The following EHBP1 variants were observed in gnomAD, a reference collection of about 807,000 sequenced individuals.
The protein encoded by EHBP1 is EH domain-binding protein 1.
Under a neutral mutation model 144.0 loss-of-function variants are expected in EHBP1, and 55 were observed. The observed-to-expected ratio is 0.38, with a 90% CI of 0.31 to 0.48. The LOEUF is 0.48. EHBP1 is among the 20% of genes least tolerant of loss of function. EHBP1 has a pLI of 0.98. For missense variants in EHBP1, 1,200 were observed against 1,364.2 expected (o/e 0.88, Z 1.90); for synonymous variants, 469 against 472.7 (o/e 0.99, Z 0.10).
chr2:62,851,452 T>C (rs2048687599), intron 7 of EHBP1, among the ~76,000 whole-genome samples: 1 of 152,192 alleles, frequency 6.6e-6, no homozygotes. Context: ...TAGATAAAAA[T>C]CCAGAAAGCC....
At chr2:62,677,533 A>G (rs1350437978) in intron 1 of EHBP1, among the ~76,000 whole-genome samples, 1 of 152,028 alleles carries the variant, frequency 6.6e-6, no homozygotes, top group Admixed American at 6.5e-5. Flanking sequence ...TTAAATGTAC[A>G]GTTATTTTTT....
At position 62,935,344 on chromosome 2, in the gene EHBP1, A is replaced by AAAAT. The variant is rs1553479000; in HGVS notation, c.1186-7373_1186-7372insAATA. Reference sequence around the variant, plus strand: ...ACTCCATCTCAAAAAAAAAAAAAAAAATATATATATATATATATATATCCA... The same window carrying AAAAT: ...ACTCCATCTCAAAAAAAAAAAAAAAAAAATATATATATATATATATATATATCCA... On this transcript the variant is annotated intron_variant, in intron 10 of 22. Transcript: ENST00000431489. Among the ~76,000 whole-genome samples, 439 of 121,434 alleles carry AAAAT rather than the reference A, an allele frequency of 3.6e-3. 2 individuals carry two copies. The highest frequency in any genetic ancestry group is 7.3e-3 in the Admixed American group (82 of 11,254). The allele number at this position is 121,434 out of a possible 152,430, so 79.7% of individuals were successfully genotyped here. A position where few individuals can be genotyped will look rare whatever the true frequency, so the allele number is the denominator to read the frequency against.
At chr2:62,914,471 G>A (rs923567330) in intron 10 of EHBP1, among the ~76,000 whole-genome samples, 2 of 151,978 alleles carry the variant, frequency 1.3e-5, no homozygotes, top group Non-Finnish European at 2.9e-5. Flanking sequence ...AAAATCAAAT[G>A]TTAAACTGAA....
At chr2:62,721,048 G>T (rs921956105) in intron 2 of EHBP1, among the ~76,000 whole-genome samples, 62 of 152,282 alleles carry the variant, frequency 4.1e-4, no homozygotes, top group African/African-American at 1.4e-3. Flanking sequence ...GATTTTACCA[G>T]TTTTCTCACT....
rs184580088 is a variant in EHBP1, at chr2:62,899,549, G to C, written c.1185+25017G>C. On this transcript the variant is annotated intron_variant, in intron 10 of 22. Transcript: ENST00000431489. The stretch of plus-strand genomic sequence containing the variant: ...TTTAGGTGTGGACTTGGAGACTCTG[G>C]GTCTGAACCAGGTGACAGCAGTTTA... Among the ~76,000 whole-genome samples, 11 of 152,226 alleles carry C rather than the reference G, an allele frequency of 7.2e-5. No homozygotes were observed. In the East Asian group the frequency reaches 2.1e-3, roughly 29 times the overall value.
intron 5 of EHBP1, among the ~76,000 whole-genome samples, chr2:62,820,737 A>AATATATATATATATATATATAT (rs57039974): frequency 5.5e-5 from 3 of 54,650 alleles, no homozygotes; most frequent in Non-Finnish European, 9.5e-5. Context: ...GTGTGTGTAT[A>AATATATATATATATATATATAT]ATATATATAT....
rs1166345773 is a variant in EHBP1, at chr2:63,003,188, A to G, written c.3103+6422A>G. 4.6e-5 allele frequency among the ~76,000 whole-genome samples: 7 copies of G among 152,056 alleles called. No homozygotes were observed. In the South Asian group the frequency reaches 6.2e-4, roughly 13 times the overall value. The stretch of plus-strand genomic sequence containing the variant: ...ATAATGAACATGTTTATGGTGCTAT[A>G]TAAGTATTAATTAAATAACAAAAAC... On this transcript the variant is annotated intron_variant, in intron 19 of 22. Transcript: ENST00000431489.
At chr2:62,987,727 T>C (rs2059255801) in intron 15 of EHBP1, among the ~76,000 whole-genome samples, 1 of 152,138 alleles carries the variant, frequency 6.6e-6, no homozygotes, top group South Asian at 2.1e-4. Context: ...ATGTGATAAT[T>C]CATGTTTGAC....
At chr2:62,677,649 G>A (rs529273196) in intron 1 of EHBP1, among the ~76,000 whole-genome samples, 113 of 150,954 alleles carry the variant, frequency 7.5e-4, no homozygotes, top group African/African-American at 2.5e-3. Context: ...CCCACTACCC[G>A]TTGCAGCCTC....
At chr2:62,822,197 CT>C (rs1406022690) in intron 5 of EHBP1, among the ~76,000 whole-genome samples, 2 of 152,094 alleles carry the variant, frequency 1.3e-5, no homozygotes, top group Non-Finnish European at 2.9e-5. Context: ...ATTGTAAGAT[CT>C]TTCCCCCTTT....
intron 10 of EHBP1, among the ~76,000 whole-genome samples, chr2:62,926,212 A>G (rs937425252): frequency 6.6e-6 from 1 of 152,070 alleles, no homozygotes; most frequent in Non-Finnish European, 1.5e-5. Context: ...CTAGACTGCC[A>G]CCTCTCAAAA....
intron 2 of EHBP1, among the ~76,000 whole-genome samples, chr2:62,713,661 G>C (rs1215579453): frequency 2.6e-5 from 4 of 152,198 alleles, no homozygotes; most frequent in African/African-American, 9.7e-5. Context: ...TGCTTCTAGA[G>C]AGGTTAGTTT....
chr2:62,942,905 A>G lies in EHBP1; in HGVS notation c.1364+9A>G, dbSNP rs368902075. The G allele has an allele frequency of 1.1e-5, 17 of 1,563,500 alleles. No homozygotes were observed. The highest frequency in any genetic ancestry group is 5.9e-5 in the South Asian group (5 of 85,138). ...TTTAGACCAGATTTAATGTAAGTAG[A>G]AACATTTTCCATTCCCTATATTTTG... is the stretch of plus-strand genomic sequence containing the variant. On this transcript the variant is annotated intron_variant, in intron 11 of 22. Coordinates refer to ENST00000431489, the MANE Select transcript of EHBP1 (RefSeq NM_001142616.3).
intron 1 of EHBP1, among the ~76,000 whole-genome samples, chr2:62,690,450 T>C (rs1572870480): frequency 1.3e-5 from 2 of 151,990 alleles, no homozygotes; most frequent in South Asian, 2.1e-4. Flanking sequence ...GAATCCCAGC[T>C]ACTTGGGAGG....
At chr2:63,001,802 C>T (rs1042474389) in intron 19 of EHBP1, among the ~76,000 whole-genome samples, 4 of 152,290 alleles carry the variant, frequency 2.6e-5, no homozygotes, top group African/African-American at 9.6e-5. Context: ...CCAGATACCA[C>T]CTGACATGAT....
intron 2 of EHBP1, among the ~76,000 whole-genome samples, chr2:62,736,222 G>C (rs1304920716): frequency 8.5e-6 from 1 of 118,202 alleles, no homozygotes; most frequent in Non-Finnish European, 1.8e-5. Context: ...TGTTCTCTTT[G>C]CCTTTTTTTT....
intron 1 of EHBP1, among the ~76,000 whole-genome samples, chr2:62,699,373 A>C (rs886186584): frequency 2.0e-5 from 3 of 152,184 alleles, no homozygotes; most frequent in African/African-American, 7.2e-5. Flanking sequence ...ATAGGAGATG[A>C]ATTTATTGAA....
intron 10 of EHBP1, among the ~76,000 whole-genome samples, chr2:62,916,030 T>G (rs2054587468): frequency 6.6e-6 from 1 of 152,084 alleles, no homozygotes. Context: ...CAGCATTAAA[T>G]TTAAAATGAG....
chr2:62,913,299 G>T (rs1049322005), intron 10 of EHBP1, among the ~76,000 whole-genome samples: 1 of 152,048 alleles, frequency 6.6e-6, no homozygotes, highest in South Asian at 2.1e-4. Context: ...TCTTTTAAAG[G>T]CCCTTCCCAC....
Sources: gnomAD v4.1 joint callset for allele counts (sites outside exome capture counted in the v4.1 genomes callset) on GRCh38, gnomAD v4.1.1 for gene constraint, MANE v1.5 for transcripts, NCBI Gene and HGNC (gene_info 2026-07-23, HGNC 2026-07-21) for gene names.